Variants in TGM6 observed in about 807,000 individuals in gnomAD.
TGM6 encodes transglutaminase 6.
A neutral mutation model predicts 77.5 loss-of-function variants in TGM6; 74 were observed. That is an observed-to-expected ratio of 0.96 (90% CI 0.79 to 1.16). TGM6 has a LOEUF of 1.16. TGM6 is among the 50% of genes most tolerant of loss of function. The pLI is 0.00. For missense variants in TGM6, 968 were observed against 940.2 expected (o/e 1.03, Z -0.39); for synonymous variants, 383 against 378.9 (o/e 1.01, Z -0.12).
intron 1 of TGM6, among the ~76,000 whole-genome samples, chr20:2,384,339 C>A (rs148192914): frequency 6.6e-6 from 1 of 152,052 alleles, no homozygotes; most frequent in Non-Finnish European, 1.5e-5. Flanking sequence ...AAACCCTAGA[C>A]GAAAGATATT....
chr20:2,403,626 G>A lies in TGM6; in HGVS notation c.1139G>A (p.Gly380Asp). Residue 380 changes from glycine to aspartate, a missense_variant, in exon 9 of 13, where the codon GGT (glycine) becomes GAT (aspartate). Physicochemically the swap from Gly to Asp is moderately conservative, Grantham distance 94. Coordinates refer to ENST00000202625, the MANE Select transcript of TGM6 (RefSeq NM_198994.3). Reference protein sequence around the residue: ...GPASVTAIREGDVHLAHDGPF... With the variant: ...GPASVTAIREDDVHLAHDGPF... Reference sequence around the variant, plus strand: ...GCCTCAGTCACCGCCATCCGCGAGGGTGATGTGCACCTGGCTCACGATGGC... The same window carrying A: ...GCCTCAGTCACCGCCATCCGCGAGGATGATGTGCACCTGGCTCACGATGGC... 2 of 1,614,194 alleles carry A rather than the reference G, an allele frequency of 1.2e-6. No homozygotes were observed. Among genetic ancestry groups the A allele is most frequent in the Non-Finnish European group, 1.7e-6 (2 of 1,180,038 alleles).
Position 2,394,561 on chromosome 20 carries a change from C to A in TGM6, c.117C>A (p.Ser39Arg). ...TGGTTCGCAGGGGCCAGTCGTTCAG[C>A]CTCACGCTGGAGCTGAGCAGAGCCC... Reference protein sequence around the residue: ...ELVVRRGQSFSLTLELSRALD... With the variant: ...ELVVRRGQSFRLTLELSRALD... The change falls in exon 2 of 13, where the codon AGC becomes AGA. Residue 39 changes from serine to arginine, a missense_variant. Coordinates refer to ENST00000202625, the MANE Select transcript of TGM6 (RefSeq NM_198994.3). 1 of 1,612,300 alleles carries A rather than the reference C, an allele frequency of 6.2e-7. No individual in the cohort carries two copies. The highest frequency in any genetic ancestry group is 8.5e-7 in the Non-Finnish European group (1 of 1,179,846).
chr20:2,394,394 C>T lies in TGM6; in HGVS notation c.8-58C>T, dbSNP rs1292334803. The T allele has an allele frequency of 3.6e-5, 57 of 1,591,610 alleles. No individual in the cohort carries two copies. The Admixed American group carries it at 9.5e-4, about 27-fold the overall frequency. On this transcript the variant is annotated intron_variant, in intron 1 of 12. Coordinates refer to ENST00000202625, the MANE Select transcript of TGM6 (RefSeq NM_198994.3). ...CCGAGAATGAATGGGAGGACAAGCT[C>T]AGAGTGGGTGAGAAACAGGAGGCCG... is the stretch of plus-strand genomic sequence containing the variant.
chr20:2,393,324 T>C (rs1024788306), intron 1 of TGM6, among the ~76,000 whole-genome samples: 5 of 152,200 alleles, frequency 3.3e-5, no homozygotes, highest in Non-Finnish European at 7.3e-5. Flanking sequence ...ACTAGGGTTT[T>C]TTTTGCATTT....
intron 1 of TGM6, 145 bp from the exon 2 acceptor site, chr20:2,394,307 A>T (rs1363198105): frequency 9.8e-7 from 1 of 1,021,974 alleles, no homozygotes; most frequent in East Asian, 2.6e-5. Context: ...ACAAACAAAC[A>T]AACAAACAAA....
intron 7 of TGM6, among the ~76,000 whole-genome samples, chr20:2,402,924 G>A (rs963276639): frequency 2.0e-5 from 3 of 152,094 alleles, no homozygotes; most frequent in African/African-American, 7.2e-5. Context: ...CTTCTTTCTA[G>A]AATATTGTTC....
At chr20:2,401,337 C>T (rs1443430958) in intron 7 of TGM6, among the ~76,000 whole-genome samples, 1 of 152,194 alleles carries the variant, frequency 6.6e-6, no homozygotes, top group African/African-American at 2.4e-5. Flanking sequence ...CCCAGCCTCC[C>T]CATCCTCCTC....
At chr20:2,409,130 T>C (rs2084769671) in intron 9 of TGM6, among the ~76,000 whole-genome samples, 1 of 152,220 alleles carries the variant, frequency 6.6e-6, no homozygotes, top group African/African-American at 2.4e-5. Flanking sequence ...ATACAAAGTG[T>C]ATAATCTTAT....
At chr20:2,395,055 C>G (rs2084653600) in intron 2 of TGM6, 139 bp from the exon 3 acceptor site, 3 of 1,412,286 alleles carry the variant, frequency 2.1e-6, no homozygotes, top group East Asian at 2.5e-5. Context: ...CCTTCTTGCT[C>G]TTTGTCAGGT....
At chr20:2,396,485 G>A in intron 3 of TGM6, 21 bp from the exon 4 acceptor site, 2 of 1,611,766 alleles carry the variant, frequency 1.2e-6, no homozygotes, top group Non-Finnish European at 1.7e-6. Flanking sequence ...GTCCACACCG[G>A]GCCTGATGAC....
At chr20:2,382,096 T>C (rs902142987) in intron 1 of TGM6, among the ~76,000 whole-genome samples, 7 of 152,244 alleles carry the variant, frequency 4.6e-5, no homozygotes, top group Non-Finnish European at 7.3e-5. Flanking sequence ...CTGCCAGTTT[T>C]AATTGTTCAG....
rs776133095 is a variant in TGM6, at chr20:2,400,459, C to G, written c.989+15C>G. The G allele has an allele frequency of 6.2e-7, 1 of 1,614,000 alleles. No individual in the cohort carries two copies. The highest frequency in any genetic ancestry group is 8.5e-7 in the Non-Finnish European group (1 of 1,179,998). On this transcript the variant is annotated intron_variant, in intron 7 of 12. Transcript: ENST00000202625. Reference sequence around the variant, plus strand: ...GACAGCATGTGGTGGGTCCTGCCCCCAGCCTAGGCCCGAGGGCTCTGGAAG... The same window carrying G: ...GACAGCATGTGGTGGGTCCTGCCCCGAGCCTAGGCCCGAGGGCTCTGGAAG...
At chr20:2,396,717 A>C (rs1406685058) in intron 4 of TGM6, 93 bp downstream of exon 4, 2 of 1,182,252 alleles carry the variant, frequency 1.7e-6, no homozygotes, top group East Asian at 4.9e-5. Flanking sequence ...TCTTCTCAGG[A>C]GGGACAAGGG....
At chr20:2,428,032 T>C (rs2084899896) in intron 10 of TGM6, among the ~76,000 whole-genome samples, 1 of 152,210 alleles carries the variant, frequency 6.6e-6, no homozygotes, top group Non-Finnish European at 1.5e-5. Flanking sequence ...CTAGGTATTT[T>C]AGATTTTTCA....
chr20:2,418,138 GAGTA>G (rs1404531220), intron 10 of TGM6, among the ~76,000 whole-genome samples: 1 of 152,028 alleles, frequency 6.6e-6, no homozygotes, highest in African/African-American at 2.4e-5. Flanking sequence ...TCAACCTCCT[GAGTA>G]GCTGGGACTA....
intron 9 of TGM6, 152 bp downstream of exon 9, chr20:2,403,975 G>A (rs1163868547): frequency 1.5e-6 from 2 of 1,308,214 alleles, no homozygotes; most frequent in Non-Finnish European, 2.2e-6. Flanking sequence ...TCTGAGCCAA[G>A]TGCCTTTATT....
intron 9 of TGM6, among the ~76,000 whole-genome samples, chr20:2,411,952 A>G (rs2084786881): frequency 6.6e-6 from 1 of 152,230 alleles, no homozygotes; most frequent in Admixed American, 6.5e-5. Context: ...AATTGAAAGC[A>G]GGACCTCGAA....
At chr20:2,416,074 C>A (rs2084814736) in intron 9 of TGM6, among the ~76,000 whole-genome samples, 1 of 152,068 alleles carries the variant, frequency 6.6e-6, no homozygotes, top group African/African-American at 2.4e-5. Flanking sequence ...CCTGGCATCA[C>A]CCAGGAAAGA....
At chr20:2,422,647 G>A (rs969493205) in intron 10 of TGM6, among the ~76,000 whole-genome samples, 8 of 151,650 alleles carry the variant, frequency 5.3e-5, no homozygotes, top group African/African-American at 4.8e-5. Context: ...GCTAACAATC[G>A]GGGCCAGGCA....
Sources: gnomAD v4.1 joint callset for allele counts (sites outside exome capture counted in the v4.1 genomes callset) on GRCh38, gnomAD v4.1.1 for gene constraint, MANE v1.5 for transcripts, NCBI Gene and HGNC (gene_info 2026-07-23, HGNC 2026-07-21) for gene names.